The following ZNF827 variants were observed in gnomAD, a reference collection of about 807,000 sequenced individuals.
The protein encoded by ZNF827 is zinc finger protein 827.
ZNF827 carries 13 observed loss-of-function variants against 102.4 expected under a neutral mutation model. The ratio of observed to expected loss-of-function variants is 0.13; its 90% CI spans 0.08 to 0.20. ZNF827 has a LOEUF of 0.20. Among genes scored for constraint, ZNF827 ranks in the 10% least tolerant of loss-of-function variants. The pLI, the probability that ZNF827 is intolerant of heterozygous loss-of-function variation, is 1.00. For synonymous variants in ZNF827, 523 were observed against 536.2 expected (o/e 0.98, Z 0.34); for missense variants, 1,103 against 1,344.4 (o/e 0.82, Z 2.81).
intron 4 of ZNF827, among the ~76,000 whole-genome samples, chr4:145,873,543 G>A (rs77975558): frequency 6.2e-4 from 94 of 152,186 alleles, no homozygotes; most frequent in Non-Finnish European, 1.2e-3. Flanking sequence ...ACTTGAACTA[G>A]AGCATTACTA....
At chr4:145,773,711 C>T (rs1272410354) in intron 11 of ZNF827, among the ~76,000 whole-genome samples, 2 of 152,174 alleles carry the variant, frequency 1.3e-5, no homozygotes, top group African/African-American at 4.8e-5. Context: ...AAATAACAGG[C>T]GAGCACTGGT....
At chr4:145,916,182 T>C (rs1042421551) in intron 1 of ZNF827, among the ~76,000 whole-genome samples, 2 of 152,152 alleles carry the variant, frequency 1.3e-5, no homozygotes, top group African/African-American at 4.8e-5. Flanking sequence ...ATTGCCCTAG[T>C]TGGGGGCTCC....
chr4:145,915,631 A>C (rs535901238), intron 1 of ZNF827, among the ~76,000 whole-genome samples: 1 of 152,268 alleles, frequency 6.6e-6, no homozygotes, highest in South Asian at 2.1e-4. Flanking sequence ...ACAGCATTCC[A>C]CCCTTGGCTC....
intron 1 of ZNF827, chr4:145,907,131 G>T (rs1180803857): frequency 1.1e-5 from 5 of 456,330 alleles, no homozygotes; most frequent in Non-Finnish European, 1.8e-5. Context: ...TGCAGAGGGT[G>T]GGGAAAAATT....
rs140489148 is a variant in ZNF827 at position 145,904,626 on chromosome 4, G to A, written c.44-1411C>T. Among the ~76,000 whole-genome samples the A allele has an allele frequency of 1.7e-3, 254 of 152,342 alleles. 1 individual carries two copies. Among genetic ancestry groups the A allele is most frequent in the African/African-American group, 5.8e-3 (241 of 41,580 alleles). ...GCACTGAAGCCAGTGTGCATGGGGT[G>A]CAGTGAGTGAGGTCAGAGCAGTGCC... On this transcript the variant is annotated intron_variant, in intron 1 of 14. Coordinates refer to ENST00000508784, the MANE Select transcript of ZNF827 (RefSeq NM_001306215.2).
chr4:145,800,691 C>T (rs1256092104), intron 8 of ZNF827, among the ~76,000 whole-genome samples: 1 of 152,192 alleles, frequency 6.6e-6, no homozygotes, highest in Non-Finnish European at 1.5e-5. Flanking sequence ...CAATTCCCTA[C>T]TGTGGGGCCT....
chr4:145,762,995 G>A lies in ZNF827; in HGVS notation c.*17+95C>T. On this transcript the variant is annotated intron_variant, in intron 14 of 14. Transcript: ENST00000508784. The surrounding 1 kb of genome is among the most constrained non-coding windows in gnomAD (Gnocchi z 4.9). ...AGCGCCAAGCTCGCCGTTAGCCTTT[G>A]AACCTCAGCTCACAGAAGAGTGCAC... 1 of 1,258,696 alleles carries A rather than the reference G, an allele frequency of 7.9e-7. No individual in the cohort carries two copies. The highest frequency in any genetic ancestry group is 1.1e-6 in the Non-Finnish European group (1 of 913,576). The allele number at this position is 1,258,696 out of a possible 1,614,324, so 78.0% of individuals were successfully genotyped here.
intron 4 of ZNF827, among the ~76,000 whole-genome samples, chr4:145,881,752 A>G (rs1166113254): frequency 6.6e-6 from 1 of 152,014 alleles, no homozygotes; most frequent in Non-Finnish European, 1.5e-5. Flanking sequence ...CTTCATGTCA[A>G]CCTTGACCTA....
Position 145,901,684 on chromosome 4 carries a change from G to A in ZNF827, c.1093+482C>T, listed in dbSNP as rs183319298. On this transcript the variant is annotated intron_variant, in intron 2 of 14. Coordinates refer to ENST00000508784, the MANE Select transcript of ZNF827 (RefSeq NM_001306215.2). ...AAATGCTAACATAAAAGTATATGGT[G>A]TGATAAATTAGGGCAGAGTAGTTCC... Among the ~76,000 whole-genome samples, 184 of 152,316 alleles carry A rather than the reference G, an allele frequency of 1.2e-3. 1 individual carries two copies. Among genetic ancestry groups the A allele is most frequent in the African/African-American group, 4.0e-3 (168 of 41,568 alleles).
intron 8 of ZNF827, among the ~76,000 whole-genome samples, chr4:145,787,896 T>C (rs1739123335): frequency 6.6e-6 from 1 of 152,146 alleles, no homozygotes; most frequent in Non-Finnish European, 1.5e-5. Context: ...AGTAACCGTT[T>C]CCACAGTAAT....
chr4:145,823,416 C>T lies in ZNF827; in HGVS notation c.2383+6G>A. 1 of 1,611,942 alleles carries T rather than the reference C, an allele frequency of 6.2e-7. No individual in the cohort carries two copies. The highest frequency in any genetic ancestry group is 1.1e-5 in the South Asian group (1 of 90,834). ...AGTAGAAGCAAAGCCAACAATGTTTCCATACCTGGAGCTGATATTCTTCCG... is the reference window on the plus strand; with the variant it reads ...AGTAGAAGCAAAGCCAACAATGTTTTCATACCTGGAGCTGATATTCTTCCG... On this transcript the variant is annotated splice_donor_region_variant and intron_variant, in intron 8 of 14. Transcript: ENST00000508784.
chr4:145,809,482 A>G (rs960052098), intron 8 of ZNF827, among the ~76,000 whole-genome samples: 1 of 152,198 alleles, frequency 6.6e-6, no homozygotes, highest in African/African-American at 2.4e-5. Flanking sequence ...TGGCTCACAG[A>G]CTGAAAACTA....
Position 145,801,440 on chromosome 4 carries a change from A to T in ZNF827, c.2384-21929T>A, listed in dbSNP as rs17020591. 3.7e-3 allele frequency among the ~76,000 whole-genome samples: 562 copies of T among 152,332 alleles called. 34 individuals carry two copies. The East Asian group carries it at 0.093, about 25-fold the overall frequency. ...ATCAGACAGCACTGAATCTGTTTTG[A>T]CGGAAACCTTTCTACATTCCATGGG... On this transcript the variant is annotated intron_variant, in intron 8 of 14. Transcript: ENST00000508784.
At chr4:145,797,049 T>A (rs2127087752) in intron 8 of ZNF827, among the ~76,000 whole-genome samples, 1 of 152,304 alleles carries the variant, frequency 6.6e-6, no homozygotes, top group Admixed American at 6.5e-5. Context: ...GCATGTAATG[T>A]GGGCGGTCGG....
At chr4:145,918,208 C>A (rs568723439) in intron 1 of ZNF827, among the ~76,000 whole-genome samples, 34 of 151,920 alleles carry the variant, frequency 2.2e-4, no homozygotes, top group African/African-American at 8.0e-4. Context: ...AAAATTTCCA[C>A]ATTAATATCA....
chr4:145,864,692 T>C (rs954285045), intron 5 of ZNF827, among the ~76,000 whole-genome samples: 1 of 152,180 alleles, frequency 6.6e-6, no homozygotes, highest in Non-Finnish European at 1.5e-5. Flanking sequence ...AATGAATATG[T>C]GAATTTTTTG....
At chr4:145,873,561 A>C (rs1479436408) in intron 4 of ZNF827, among the ~76,000 whole-genome samples, 3 of 152,258 alleles carry the variant, frequency 2.0e-5, no homozygotes, top group African/African-American at 7.2e-5. Flanking sequence ...CTAAAGGAGG[A>C]GTCCAGAAAA....
chr4:145,765,095 G>A lies in ZNF827; in HGVS notation c.3123C>T (p.His1041=), dbSNP rs1735080388. The A allele has an allele frequency of 1.2e-6, 2 of 1,614,086 alleles. No homozygotes were observed. Among genetic ancestry groups the A allele is most frequent in the African/African-American group, 2.7e-5 (2 of 74,934 alleles). Residue 1041 remains histidine, a synonymous_variant, in exon 13 of 15, where the codon CAC becomes CAT. Coordinates refer to ENST00000508784, the MANE Select transcript of ZNF827 (RefSeq NM_001306215.2). The surrounding 1 kb of genome is among the most constrained non-coding windows in gnomAD (Gnocchi z 4.7). ...KNMFERHLQI[H]LITRMFECDV... ...CACACTCAAACATCCGGGTGATGAG[G>A]TGTATCTGCAGATGACGCTCAAACA...
intron 2 of ZNF827, among the ~76,000 whole-genome samples, chr4:145,898,335 G>A (rs1287774743): frequency 6.6e-6 from 1 of 152,188 alleles, no homozygotes; most frequent in African/African-American, 2.4e-5. Flanking sequence ...GTTCTCAGCT[G>A]TATGAGACCA....
Sources: gnomAD v4.1 joint callset for allele counts (sites outside exome capture counted in the v4.1 genomes callset) on GRCh38, gnomAD v4.1.1 for gene constraint, Gnocchi (gnomAD v3.1) non-coding constraint, MANE v1.5 for transcripts, NCBI Gene and HGNC (gene_info 2026-07-23, HGNC 2026-07-21) for gene names.